The following PTPRD variants were observed in gnomAD, a reference collection of about 807,000 sequenced individuals.
PTPRD encodes protein tyrosine phosphatase receptor type D, also known as receptor-type tyrosine-protein phosphatase delta.
Under a neutral mutation model 214.5 loss-of-function variants are expected in PTPRD, and 34 were observed. The observed-to-expected ratio is 0.16, with a 90% confidence interval of 0.12 to 0.21. PTPRD has a LOEUF of 0.21. Ranked by LOEUF, PTPRD falls within the 10% of genes least tolerant of loss-of-function variation. The pLI, the probability that PTPRD is intolerant of heterozygous loss-of-function variation, is 1.00. For synonymous variants in PTPRD, 1,128 were observed against 845.7 expected (o/e 1.33, Z -5.79); for missense variants, 2,545 against 2,398.7 (o/e 1.06, Z -1.27).
At position 8,622,178 on chromosome 9, in the gene PTPRD, T is replaced by A. The variant is rs75481490; in HGVS notation, c.352+11139A>T. On this transcript the variant is annotated intron_variant, in intron 14 of 45. Coordinates refer to ENST00000381196, the MANE Select transcript of PTPRD (RefSeq NM_002839.4). The stretch of plus-strand genomic sequence containing the variant: ...ATTAGTTGGGAGAGAAACAAATGGG[T>A]ATATTACTCTGAAGGTAATTACTTA... 3.7e-3 allele frequency among the ~76,000 whole-genome samples: 559 copies of A among 152,064 alleles called. 3 individuals carry two copies. Among genetic ancestry groups the A allele is most frequent in the African/African-American group, 0.013 (538 of 41,536 alleles).
intron 8 of PTPRD, among the ~76,000 whole-genome samples, chr9:9,512,937 C>G (rs1265495803): frequency 6.6e-6 from 1 of 150,960 alleles, no homozygotes; most frequent in African/African-American, 2.4e-5. Flanking sequence ...GATTTTCATG[C>G]ATTCTTTCAA....
intron 4 of PTPRD, among the ~76,000 whole-genome samples, chr9:9,945,527 TCAAAAAGAAGTGTTCTCCTGTGTC>T (rs1449690283): frequency 1.6e-4 from 24 of 152,066 alleles, no homozygotes; most frequent in Non-Finnish European, 2.9e-4. Context: ...AAACAGTGAT[TCAAAAAGAAGTGTTCTCCTGTGTC>T]CAAGGTGGCA....
chr9:8,569,322 T>C (rs932564545), intron 14 of PTPRD, among the ~76,000 whole-genome samples: 1 of 152,154 alleles, frequency 6.6e-6, no homozygotes, highest in Non-Finnish European at 1.5e-5. Context: ...CCAAATCATA[T>C]CAGGCAGGCA....
chr9:8,329,642 C>T (rs1284553047), intron 44 of PTPRD, among the ~76,000 whole-genome samples: 2 of 152,098 alleles, frequency 1.3e-5, no homozygotes, highest in African/African-American at 2.4e-5. Flanking sequence ...GGTGCTTTGT[C>T]CCAGTGAGAT....
intron 14 of PTPRD, among the ~76,000 whole-genome samples, chr9:8,618,933 T>G (rs2095713076): frequency 6.8e-6 from 1 of 146,000 alleles, no homozygotes; most frequent in Non-Finnish European, 1.5e-5. Flanking sequence ...TTTTTTTTTT[T>G]TTTTTTACCG....
intron 7 of PTPRD, among the ~76,000 whole-genome samples, chr9:9,721,979 T>G (rs923828971): frequency 6.6e-6 from 1 of 152,060 alleles, no homozygotes; most frequent in African/African-American, 2.4e-5. Flanking sequence ...TATGCCTAGA[T>G]TAAGGTATGT....
chr9:9,267,052 A>G (rs966929554), intron 9 of PTPRD, among the ~76,000 whole-genome samples: 1 of 151,284 alleles, frequency 6.6e-6, no homozygotes, highest in Non-Finnish European at 1.5e-5. Context: ...ACTTTTAGCT[A>G]GAGTGATGAA....
intron 12 of PTPRD, among the ~76,000 whole-genome samples, chr9:8,732,471 A>T (rs554524884): frequency 6.6e-6 from 1 of 152,338 alleles, no homozygotes; most frequent in Admixed American, 6.5e-5. Flanking sequence ...CTAAATTTAG[A>T]TTACACCTTT....
intron 3 of PTPRD, among the ~76,000 whole-genome samples, chr9:10,082,407 T>A (rs149721895): frequency 1.8e-4 from 28 of 152,208 alleles, no homozygotes; most frequent in Non-Finnish European, 3.4e-4. Flanking sequence ...TGCTTTGACA[T>A]TGACAAGGCG....
chr9:9,075,402 C>T (rs927470811), intron 10 of PTPRD, among the ~76,000 whole-genome samples: 8 of 151,674 alleles, frequency 5.3e-5, no homozygotes, highest in Admixed American at 1.3e-4. Context: ...CATTCGATAT[C>T]GGTATTATTT....
chr9:8,382,690 G>A (rs1476103230), intron 37 of PTPRD, among the ~76,000 whole-genome samples: 1 of 152,184 alleles, frequency 6.6e-6, no homozygotes, highest in Non-Finnish European at 1.5e-5. Context: ...TTGCCAACAT[G>A]AGCATCATTC....
At chr9:8,906,100 C>A (rs2098705807) in intron 11 of PTPRD, among the ~76,000 whole-genome samples, 1 of 152,144 alleles carries the variant, frequency 6.6e-6, no homozygotes, top group Non-Finnish European at 1.5e-5. Context: ...ATGAATGCAA[C>A]ACAAACATAA....
chr9:8,723,733 A>G (rs1184556048), intron 12 of PTPRD, among the ~76,000 whole-genome samples: 1 of 152,192 alleles, frequency 6.6e-6, no homozygotes. Context: ...TCACTCCTTT[A>G]TAAGCATCTT....
At chr9:10,137,416 T>C (rs1390806193) in intron 3 of PTPRD, among the ~76,000 whole-genome samples, 1 of 17,500 alleles carries the variant, frequency 5.7e-5, no homozygotes, top group Non-Finnish European at 1.0e-4. Context: ...ATGGATGAAA[T>C]TGGAAACCAT....
intron 9 of PTPRD, among the ~76,000 whole-genome samples, chr9:9,275,199 T>TATATATATATGTTATATATATATA (rs1491465404): frequency 1.9e-3 from 20 of 10,402 alleles, no homozygotes; most frequent in Admixed American, 7.9e-3. Flanking sequence ...TATATATATA[T>TATATATATATGTTATATATATATA]TATATATATA....
intron 5 of PTPRD, among the ~76,000 whole-genome samples, chr9:9,905,331 T>TAATTAGCTC (rs2077298966): frequency 6.6e-6 from 1 of 151,962 alleles, no homozygotes; most frequent in East Asian, 1.9e-4. Context: ...GAGTTTTAAA[T>TAATTAGCTC]AATTAGCTCA....
At chr9:8,562,638 T>C (rs931737006) in intron 14 of PTPRD, among the ~76,000 whole-genome samples, 1 of 152,090 alleles carries the variant, frequency 6.6e-6, no homozygotes, top group Non-Finnish European at 1.5e-5. Flanking sequence ...GGTTTCACCA[T>C]GTTGCCCAGG....
At chr9:10,053,856 T>A (rs2097576722) in intron 3 of PTPRD, among the ~76,000 whole-genome samples, 1 of 152,100 alleles carries the variant, frequency 6.6e-6, no homozygotes, top group South Asian at 2.1e-4. Context: ...CCTCACGGGT[T>A]CAAGAGAGTC....
intron 14 of PTPRD, among the ~76,000 whole-genome samples, chr9:8,542,902 C>G (rs1278385488): frequency 6.6e-6 from 1 of 152,208 alleles, no homozygotes; most frequent in East Asian, 1.9e-4. Context: ...GTTTTCTCCA[C>G]TAATAGCTCA....
Sources: allele counts gnomAD v4.1 joint callset (sites outside exome capture counted in the v4.1 genomes callset), GRCh38; gene constraint gnomAD v4.1.1; transcripts MANE v1.5; gene names NCBI Gene and HGNC (gene_info 2026-07-23, HGNC 2026-07-21).